Variants in CCSER1 observed in about 807,000 individuals in gnomAD.
CCSER1 encodes the protein serine-rich coiled-coil domain-containing protein 1.
Under a neutral mutation model 82.0 loss-of-function variants are expected in CCSER1, and 41 were observed. The ratio of observed to expected loss-of-function variants is 0.50; its 90% CI spans 0.39 to 0.65. The LOEUF (loss-of-function observed/expected upper bound fraction) is 0.65, where lower values mean the gene tolerates loss of function less well. Ranked by LOEUF, CCSER1 falls within the 30% of genes least tolerant of loss-of-function variation. The pLI is 0.00. For missense variants in CCSER1, 1,119 were observed against 1,064.2 expected (o/e 1.05, Z -0.72); for synonymous variants, 414 against 383.9 (o/e 1.08, Z -0.92).
At chr4:90,764,985 CTCCTTTTGTGGCCTATGCTCATTTCTTT>C (rs1303228116) in intron 7 of CCSER1, among the ~76,000 whole-genome samples, 1 of 152,054 alleles carries the variant, frequency 6.6e-6, no homozygotes, top group Admixed American at 6.6e-5. Context: ...TATTGTCATT[CTCCTTTTGTGGCCTATGCTCATTTCTTT>C]TCCCCAATGA....
At chr4:90,472,533 C>G (rs1764535809) in intron 5 of CCSER1, among the ~76,000 whole-genome samples, 1 of 152,238 alleles carries the variant, frequency 6.6e-6, no homozygotes, top group East Asian at 1.9e-4. Context: ...AGAAGGAAAG[C>G]TACATTGCTC....
At chr4:91,244,313 TG>T (rs1008056523) in intron 10 of CCSER1, among the ~76,000 whole-genome samples, 6 of 152,200 alleles carry the variant, frequency 3.9e-5, no homozygotes, top group East Asian at 1.9e-4. Flanking sequence ...ACAGCATCTC[TG>T]GACATGCTCC....
chr4:91,371,941 C>T (rs972626991), intron 10 of CCSER1, among the ~76,000 whole-genome samples: 2 of 152,166 alleles, frequency 1.3e-5, no homozygotes, highest in African/African-American at 4.8e-5. Context: ...ACAGACTTTA[C>T]ACATATTCAG....
chr4:91,417,569 T>C (rs933552763), intron 10 of CCSER1, among the ~76,000 whole-genome samples: 2 of 152,060 alleles, frequency 1.3e-5, no homozygotes, highest in Non-Finnish European at 2.9e-5. Context: ...GAAGCCATTA[T>C]CCTCATGAAA....
intron 10 of CCSER1, among the ~76,000 whole-genome samples, chr4:91,114,950 C>T (rs533085873): frequency 1.6e-3 from 251 of 152,256 alleles, no homozygotes; most frequent in Non-Finnish European, 2.7e-3. Flanking sequence ...ATCTCCTTCT[C>T]TTAATATTTT....
chr4:90,270,296 C>T (rs1726014455), intron 1 of CCSER1, among the ~76,000 whole-genome samples: 1 of 151,980 alleles, frequency 6.6e-6, no homozygotes, highest in Admixed American at 6.6e-5. Flanking sequence ...TTCAGCAACA[C>T]ATTAAAAAGA....
At chr4:90,186,406 C>G (rs1734622359) in intron 1 of CCSER1, among the ~76,000 whole-genome samples, 1 of 151,910 alleles carries the variant, frequency 6.6e-6, no homozygotes, top group Admixed American at 6.6e-5. Flanking sequence ...GAACCCTGCT[C>G]TTAGTATCAA....
chr4:90,238,570 T>C (rs17016684), intron 1 of CCSER1, among the ~76,000 whole-genome samples: 6,689 of 152,218 alleles, frequency 0.044, 367 homozygotes, highest in East Asian at 0.25. Context: ...TACTGTCAGG[T>C]GATACTGCCC....
At chr4:91,469,371 G>A (rs896504413) in intron 10 of CCSER1, among the ~76,000 whole-genome samples, 1 of 152,178 alleles carries the variant, frequency 6.6e-6, no homozygotes, top group Non-Finnish European at 1.5e-5. Flanking sequence ...TGGACTACAT[G>A]TATTTCTACA....
At chr4:90,303,204 C>G (rs968047495) in intron 1 of CCSER1, among the ~76,000 whole-genome samples, 7 of 152,018 alleles carry the variant, frequency 4.6e-5, no homozygotes, top group Non-Finnish European at 8.8e-5. Context: ...TTATTTGTGC[C>G]CAGTGGAAGT....
At chr4:91,327,589 C>T (rs1247960053) in intron 10 of CCSER1, among the ~76,000 whole-genome samples, 1 of 152,216 alleles carries the variant, frequency 6.6e-6, no homozygotes, top group Non-Finnish European at 1.5e-5. Context: ...TGGCTTTTAA[C>T]ATTTGACTCC....
At chr4:90,920,696 G>A (rs1270871497) in intron 8 of CCSER1, among the ~76,000 whole-genome samples, 1 of 151,708 alleles carries the variant, frequency 6.6e-6, no homozygotes, top group African/African-American at 2.4e-5. Flanking sequence ...CGTGGTAACT[G>A]TATTTTACCT....
At chr4:90,416,240 A>G (rs1323772948) in intron 4 of CCSER1, among the ~76,000 whole-genome samples, 1 of 152,220 alleles carries the variant, frequency 6.6e-6, no homozygotes, top group Non-Finnish European at 1.5e-5. Flanking sequence ...AGTTAAAAAT[A>G]GGTTGATGGA....
intron 6 of CCSER1, among the ~76,000 whole-genome samples, chr4:90,714,020 TCAGTCCCAGTATGA>T (rs1741156608): frequency 6.6e-6 from 1 of 151,928 alleles, no homozygotes; most frequent in African/African-American, 2.4e-5. Flanking sequence ...TAAGTCTCTT[TCAGTCCCAGTATGA>T]GAACCTGGAA....
intron 9 of CCSER1, among the ~76,000 whole-genome samples, chr4:90,978,032 T>A (rs752101752): frequency 5.3e-5 from 8 of 151,606 alleles, no homozygotes; most frequent in Non-Finnish European, 8.9e-5. Context: ...GCAAATTACA[T>A]CTAATACAGG....
chr4:90,322,590 T>G (rs999640204), intron 3 of CCSER1, among the ~76,000 whole-genome samples: 5 of 152,234 alleles, frequency 3.3e-5, no homozygotes, highest in African/African-American at 1.2e-4. Flanking sequence ...ATTTTAACAA[T>G]ATTGATTTTT....
intron 3 of CCSER1, among the ~76,000 whole-genome samples, chr4:90,386,520 A>G (rs758748700): frequency 3.9e-5 from 6 of 152,124 alleles, no homozygotes; most frequent in Non-Finnish European, 5.9e-5. Context: ...AGACAAATAT[A>G]TGACCTGACC....
chr4:91,357,543 AT>A (rs951305844), intron 10 of CCSER1, among the ~76,000 whole-genome samples: 8 of 152,150 alleles, frequency 5.3e-5, no homozygotes, highest in East Asian at 1.9e-4. Context: ...TAAAACAATA[AT>A]TTTTTTAACC....
chr4:91,335,269 C>A (rs1269581558), intron 10 of CCSER1, among the ~76,000 whole-genome samples: 2 of 152,006 alleles, frequency 1.3e-5, no homozygotes, highest in Non-Finnish European at 2.9e-5. Context: ...TACCCCAATC[C>A]CCAGTGAACT....
Sources: allele counts gnomAD v4.1 joint callset (sites outside exome capture counted in the v4.1 genomes callset), GRCh38; gene constraint gnomAD v4.1.1; transcripts MANE v1.5; gene names NCBI Gene and HGNC (gene_info 2026-07-23, HGNC 2026-07-21).